RNF19A: variants seen among roughly 807,000 people sequenced by gnomAD.
The protein encoded by RNF19A is E3 ubiquitin-protein ligase RNF19A.
RNF19A carries 32 observed loss-of-function variants against 75.7 expected under a neutral mutation model. The ratio of observed to expected loss-of-function variants is 0.42; its 90% CI spans 0.32 to 0.57. The LOEUF (loss-of-function observed/expected upper bound fraction) is 0.57, where lower values mean the gene tolerates loss of function less well. Ranked by LOEUF, RNF19A falls within the 20% of genes least tolerant of loss-of-function variation. The pLI, the probability that RNF19A is intolerant of heterozygous loss-of-function variation, is 0.10. For synonymous variants in RNF19A, 335 were observed against 345.2 expected (o/e 0.97, Z 0.33); for missense variants, 782 against 1,036.3 (o/e 0.75, Z 3.37).
chr8:100,318,698 A>C (rs571001768), intron 1 of RNF19A, among the ~76,000 whole-genome samples: 1 of 152,380 alleles, frequency 6.6e-6, no homozygotes, highest in Admixed American at 6.5e-5. Flanking sequence ...ATTAATTTTC[A>C]AGCTGGAACA....
At chr8:100,309,729 A>G in intron 1 of RNF19A, 138 bp downstream of exon 1, 1 of 982,100 alleles carries the variant, frequency 1.0e-6, no homozygotes, top group Non-Finnish European at 1.2e-6. Flanking sequence ...CGCCTTTCCC[A>G]CCGGACTTCC....
intron 1 of RNF19A, among the ~76,000 whole-genome samples, chr8:100,304,302 A>C (rs1228373909): frequency 2.0e-5 from 3 of 152,278 alleles, no homozygotes; most frequent in East Asian, 3.9e-4. Context: ...ATAAGGAGAA[A>C]TCTATTTGAT....
chr8:100,292,852 T>C (rs1667260093), intron 1 of RNF19A, among the ~76,000 whole-genome samples: 1 of 152,208 alleles, frequency 6.6e-6, no homozygotes, highest in Non-Finnish European at 1.5e-5. Context: ...CCAAGTCTTC[T>C]TTTGGAGGAT....
At chr8:100,280,341 A>AT (rs1820723489) in intron 2 of RNF19A, among the ~76,000 whole-genome samples, 1 of 152,194 alleles carries the variant, frequency 6.6e-6, no homozygotes, top group African/African-American at 2.4e-5. Flanking sequence ...AAGATTATAC[A>AT]TATGTAGTGT....
At chr8:100,310,302 C>G (rs960349321), upstream of RNF19A, 59 of 942,930 alleles carry the variant, frequency 6.3e-5, no homozygotes, top group African/African-American at 1.0e-3. Flanking sequence ...CCCCGCTGCA[C>G]CCGGGTGGCC....
rs938906910 is a variant in RNF19A at position 100,259,450 on chromosome 8, C to T, written c.1827-204G>A. On this transcript the variant is annotated intron_variant, in intron 9 of 9. Transcript: ENST00000341084. This position sits in a 1 kb window ranked among gnomAD's most constrained non-coding sequence, Gnocchi z 4.5. ...CAATGTTTTAAAATAGTGGTGGACACATTTATTGCTTATGCTGTTCTAGAC... is the reference window on the plus strand; with the variant it reads ...CAATGTTTTAAAATAGTGGTGGACATATTTATTGCTTATGCTGTTCTAGAC... Among the ~76,000 whole-genome samples, 2 of 152,142 alleles carry T rather than the reference C, an allele frequency of 1.3e-5. No homozygotes were observed. The highest frequency in any genetic ancestry group is 4.8e-5 in the African/African-American group (2 of 41,420).
chr8:100,289,887 A>G (rs1273440963), intron 1 of RNF19A, among the ~76,000 whole-genome samples: 2 of 152,194 alleles, frequency 1.3e-5, no homozygotes, highest in Non-Finnish European at 2.9e-5. Flanking sequence ...ATTGGAAACA[A>G]CCCATAATTT....
At chr8:100,276,263 A>C (rs989732749) in intron 2 of RNF19A, among the ~76,000 whole-genome samples, 2 of 152,220 alleles carry the variant, frequency 1.3e-5, no homozygotes, top group African/African-American at 4.8e-5. Flanking sequence ...TCAATAAAGA[A>C]AGTATTGATG....
At chr8:100,300,332 G>A (rs966839259) in intron 1 of RNF19A, among the ~76,000 whole-genome samples, 3 of 152,092 alleles carry the variant, frequency 2.0e-5, no homozygotes, top group Non-Finnish European at 2.9e-5. Context: ...TCTCTGTTAC[G>A]GTTTTCTTAC....
chr8:100,303,965 T>A (rs964616486), intron 1 of RNF19A, among the ~76,000 whole-genome samples: 2 of 151,914 alleles, frequency 1.3e-5, no homozygotes, highest in African/African-American at 4.8e-5. Context: ...TATTTATTTA[T>A]TTTTATTTTT....
At chr8:100,268,564 T>A in intron 5 of RNF19A, 1 of 352,964 alleles carries the variant, frequency 2.8e-6, no homozygotes, top group Non-Finnish European at 5.0e-6. Flanking sequence ...AATTTTCAGA[T>A]TCAGAACATT....
At position 100,264,939 on chromosome 8, in the gene RNF19A, T is replaced by A. The variant is rs1294779355; in HGVS notation, c.1192-154A>T. On this transcript the variant is annotated intron_variant, in intron 5 of 9. Coordinates refer to ENST00000341084, the MANE Select transcript of RNF19A (RefSeq NM_183419.4). This position sits in a 1 kb window ranked among gnomAD's most constrained non-coding sequence, Gnocchi z 4.7. ...GGTAAACCTACTAGTGTCCTTAAAC[T>A]ATTATATATTCTCACAAATAATTTG... 2.6e-5 allele frequency among the ~76,000 whole-genome samples: 4 copies of A among 152,246 alleles called. No homozygotes were observed. Among genetic ancestry groups the A allele is most frequent in the Non-Finnish European group, 4.4e-5 (3 of 68,040 alleles).
At chr8:100,273,605 A>G (rs1348353999) in intron 3 of RNF19A, among the ~76,000 whole-genome samples, 2 of 152,248 alleles carry the variant, frequency 1.3e-5, no homozygotes, top group African/African-American at 2.4e-5. Context: ...AAAAAATAAT[A>G]AAAGCCATTT....
Position 100,259,090 on chromosome 8 carries a change from G to A in RNF19A, c.1983C>T (p.Thr661=). The A allele has an allele frequency of 6.2e-7, 1 of 1,614,000 alleles. No individual in the cohort carries two copies. Among genetic ancestry groups the A allele is most frequent in the Non-Finnish European group, 8.5e-7 (1 of 1,179,996 alleles). Residue 661 remains threonine (T), a synonymous_variant, in exon 10 of 10, where the codon ACC becomes ACT. Transcript: ENST00000341084. This position sits in a 1 kb window ranked among gnomAD's most constrained non-coding sequence, Gnocchi z 4.5. ...CTGCTGTTGCTTCTTTGGACCACTT[G>A]GTGGCACTAGATTTACCTTCAGGCA... ...SGLPEGKSSA[T]KWSKEATAGK... is the part of the protein sequence containing the mutation.
At chr8:100,310,037 C>T (rs759847173), upstream of RNF19A, 31 of 985,470 alleles carry the variant, frequency 3.1e-5, no homozygotes, top group Non-Finnish European at 3.7e-5. Context: ...GGCCGCTTTC[C>T]CGAACTCCTC....
rs1788210 is a variant in RNF19A at position 100,325,084 on chromosome 8, T to A, written c.-243+11024A>T. On this transcript the variant is annotated intron_variant, in intron 1 of 3. Transcript: ENST00000519527. This position sits in a 1 kb window ranked among gnomAD's most constrained non-coding sequence, Gnocchi z 4.3. ...ACCACAACCGGCTAATTTTTTGTAT[T>A]TTTAGTAGAGATGGGGTTTCACCAT... Among the ~76,000 whole-genome samples the A allele has an allele frequency of 0.33, 49,496 of 151,908 alleles. 8,731 individuals carry two copies. The highest frequency in any genetic ancestry group is 0.41 in the East Asian group (2,107 of 5,166).
chr8:100,328,714 C>T (rs1270174743), intron 1 of RNF19A, among the ~76,000 whole-genome samples: 2 of 152,162 alleles, frequency 1.3e-5, no homozygotes, highest in Non-Finnish European at 1.5e-5. Flanking sequence ...TCGTGATTCA[C>T]CCCCATCAGC....
chr8:100,300,466 C>T (rs1821771903), intron 1 of RNF19A: 1 of 152,066 alleles, frequency 6.6e-6, no homozygotes, highest in African/African-American at 2.4e-5. Context: ...GCAGCCTGGG[C>T]ATCAAGGTGA....
chr8:100,293,643 C>A (rs1410609092), intron 1 of RNF19A, among the ~76,000 whole-genome samples: 2 of 152,122 alleles, frequency 1.3e-5, no homozygotes, highest in Admixed American at 6.5e-5. Context: ...TTGATTTAAA[C>A]CAAATACAGG....
Sources: gnomAD v4.1 joint callset for allele counts (sites outside exome capture counted in the v4.1 genomes callset) on GRCh38, gnomAD v4.1.1 for gene constraint, Gnocchi (gnomAD v3.1) non-coding constraint, MANE v1.5 for transcripts, NCBI Gene and HGNC (gene_info 2026-07-23, HGNC 2026-07-21) for gene names.